The following TSEN2 variants were observed in gnomAD, a reference collection of about 807,000 sequenced individuals.
TSEN2 encodes the protein tRNA splicing endonuclease subunit 2, also known as tRNA-splicing endonuclease subunit Sen2.
TSEN2 carries 54 observed loss-of-function variants against 59.2 expected under a neutral mutation model. The ratio of observed to expected loss-of-function variants is 0.91; its 90% CI spans 0.73 to 1.14. The LOEUF (loss-of-function observed/expected upper bound fraction) is 1.14. Among genes scored for constraint, TSEN2 ranks in the 50% most tolerant of loss-of-function variants. The pLI, the probability that TSEN2 is intolerant of heterozygous loss-of-function variation, is 0.00. For synonymous variants in TSEN2, 195 were observed against 198.2 expected (o/e 0.98, Z 0.14); for missense variants, 636 against 576.2 (o/e 1.10, Z -1.06).
At chr3:12,483,539 A>C, upstream of TSEN2, among the ~76,000 whole-genome samples, 1 of 152,322 alleles carries the variant, frequency 6.6e-6, no homozygotes, top group Admixed American at 6.5e-5. Context: ...ACCAGGAATT[A>C]CTGCAGCTAA....
chr3:12,526,591 C>T (rs2057102123), intron 8 of TSEN2, among the ~76,000 whole-genome samples: 1 of 152,192 alleles, frequency 6.6e-6, no homozygotes, highest in Admixed American at 6.5e-5. Context: ...TATCTTAGAA[C>T]GTATCCTCAT....
At chr3:12,527,825 C>T (rs536975689) in intron 8 of TSEN2, among the ~76,000 whole-genome samples, 4 of 152,082 alleles carry the variant, frequency 2.6e-5, no homozygotes, top group South Asian at 2.1e-4. Flanking sequence ...CCTAACTGTA[C>T]GGGAGACTGA....
intron 1 of TSEN2, among the ~76,000 whole-genome samples, chr3:12,486,500 G>T (rs1305514316): frequency 2.6e-5 from 4 of 152,278 alleles, no homozygotes; most frequent in Admixed American, 6.5e-5. Context: ...AGTCATTCTT[G>T]CAGGACATGG....
At position 12,516,454 on chromosome 3, in the gene TSEN2, G is replaced by A. The variant is rs879349762; in HGVS notation, c.910-157G>A. Among the ~76,000 whole-genome samples, 378 of 117,520 alleles carry A rather than the reference G, an allele frequency of 3.2e-3. 4 individuals carry two copies. The highest frequency in any genetic ancestry group is 9.6e-3 in the African/African-American group (274 of 28,438). 77.1% of individuals were successfully genotyped at this position (117,520 alleles called of 152,430 possible). ...ACAAACAAACAAAATATATGTGTGT[G>A]TGTGTGTGTGTGTGTGTGTGTGTGT... On this transcript the variant is annotated intron_variant, in intron 6 of 11. Transcript: ENST00000284995.
chr3:12,505,058 G>A (rs2054668174), intron 5 of TSEN2, 96 bp from the exon 6 acceptor site: 1 of 795,298 alleles, frequency 1.3e-6, no homozygotes, highest in Non-Finnish European at 2.2e-6. Flanking sequence ...TGTGAATCCT[G>A]GGAATTTATA....
At chr3:12,484,925 G>A (rs2124861904) in intron 1 of TSEN2, 45 bp downstream of exon 1, 1 of 152,370 alleles carries the variant, frequency 6.6e-6, no homozygotes, top group South Asian at 2.1e-4. Context: ...AACGCTGTTG[G>A]GGTGCGCAGT....
chr3:12,519,073 A>T lies in TSEN2; in HGVS notation c.975A>T (p.Ile325=), dbSNP rs1247778131. 1 of 1,614,178 alleles carries T rather than the reference A, an allele frequency of 6.2e-7. No homozygotes were observed. Among genetic ancestry groups the T allele is most frequent in the African/African-American group, 1.3e-5 (1 of 75,038 alleles). ...AATAACTTTAGGAGCCTTTAACGAT[A>T]GTGAAGCTCTGGAAAGCTTTCACTG... is the stretch of plus-strand genomic sequence containing the variant. ...SIYYEKEPLT[I]VKLWKAFTVV... Residue 325 remains isoleucine (I), a synonymous_variant, in exon 8 of 12, where the codon ATA becomes ATT. Coordinates refer to ENST00000284995, the MANE Select transcript of TSEN2 (RefSeq NM_025265.4).
intron 1 of TSEN2, among the ~76,000 whole-genome samples, chr3:12,487,008 A>G (rs529015566): frequency 2.5e-4 from 38 of 152,268 alleles, no homozygotes; most frequent in African/African-American, 8.7e-4. Flanking sequence ...TCACATACAA[A>G]TTTTTCCATG....
chr3:12,508,970 A>T (rs1306114096), intron 6 of TSEN2, among the ~76,000 whole-genome samples: 1 of 152,000 alleles, frequency 6.6e-6, no homozygotes, highest in South Asian at 2.1e-4. Flanking sequence ...AAGGTATCCC[A>T]CCACCTTAGC....
At position 12,489,794 on chromosome 3, in the gene TSEN2, C is replaced by T. The variant is rs550823052; in HGVS notation, c.-7C>T. The T allele has an allele frequency of 1.4e-5, 23 of 1,612,460 alleles. No individual in the cohort carries two copies. The African/African-American group carries it at 2.7e-4, about 19-fold the overall frequency. ...GTCTACTCTTTAAAGAATACCTCCT[C>T]TGAAAAATGGCAGAAGCAGTTTTCC... On this transcript the variant is annotated 5_prime_UTR_variant, in exon 2 of 12. Transcript: ENST00000284995.
intron 6 of TSEN2, among the ~76,000 whole-genome samples, chr3:12,505,783 C>CAAAAAAAA (rs34334319): frequency 4.7e-5 from 4 of 84,678 alleles, no homozygotes; most frequent in African/African-American, 1.8e-4. Context: ...AACTCTGTCT[C>CAAAAAAAA]AAAAAAAAAA....
At chr3:12,527,237 C>A (rs146078942) in intron 8 of TSEN2, among the ~76,000 whole-genome samples, 1 of 152,192 alleles carries the variant, frequency 6.6e-6, no homozygotes, top group East Asian at 1.9e-4. Context: ...GAAATGTGAC[C>A]ATGGAAAATA....
At position 12,519,146 on chromosome 3, in the gene TSEN2, C is replaced by T. The variant is rs201467485; in HGVS notation, c.1048C>T (p.Arg350Ter). Residue 350 changes from arginine (R) to a stop codon, truncating the protein, a stop_gained, in exon 8 of 12, where the codon CGA becomes TGA. Coordinates refer to ENST00000284995, the MANE Select transcript of TSEN2 (RefSeq NM_025265.4). LOFTEE classifies it high-confidence loss of function. ...CACCTACATGGCCTACCATTACTTT[C>T]GAAGCAAGGGCTGGGTGCCCAAAGT... is the stretch of plus-strand genomic sequence containing the variant. Reference protein sequence around the residue: ...RTTYMAYHYFRSKGWVPKVGL... With the variant: ...RTTYMAYHYF 13 of 1,614,092 alleles carry T rather than the reference C, an allele frequency of 8.1e-6. No homozygotes were observed. Among genetic ancestry groups the T allele is most frequent in the African/African-American group, 2.7e-5 (2 of 74,930 alleles).
chr3:12,523,339 A>T (rs761267342), intron 8 of TSEN2, among the ~76,000 whole-genome samples: 1 of 152,010 alleles, frequency 6.6e-6, no homozygotes, highest in Non-Finnish European at 1.5e-5. Flanking sequence ...CAGCACAGAA[A>T]TGGAATGGTG....
At chr3:12,532,363 T>A in intron 11 of TSEN2, among the ~76,000 whole-genome samples, 1 of 152,204 alleles carries the variant, frequency 6.6e-6, no homozygotes, top group East Asian at 1.9e-4. Flanking sequence ...CAGACCTAGC[T>A]CTAATGTAAA....
At chr3:12,530,368 C>T in intron 10 of TSEN2, 1 of 986,466 alleles carries the variant, frequency 1.0e-6, no homozygotes, top group Non-Finnish European at 1.2e-6. Flanking sequence ...CGTTGAGTGG[C>T]TAATCCAAGA....
At chr3:12,527,781 C>G (rs2057208603) in intron 8 of TSEN2, among the ~76,000 whole-genome samples, 2 of 152,180 alleles carry the variant, frequency 1.3e-5, no homozygotes, top group Non-Finnish European at 1.5e-5. Flanking sequence ...GGCTCCCAGT[C>G]TTCAGCACAC....
chr3:12,481,330 T>C (rs1190950190), upstream of TSEN2, among the ~76,000 whole-genome samples: 2 of 152,144 alleles, frequency 1.3e-5, no homozygotes, highest in Non-Finnish European at 2.9e-5. Context: ...AATACTTCAC[T>C]GTCACAGTCA....
At chr3:12,517,085 C>T (rs1436507343) in intron 7 of TSEN2, among the ~76,000 whole-genome samples, 5 of 152,146 alleles carry the variant, frequency 3.3e-5, no homozygotes, top group African/African-American at 7.2e-5. Context: ...CGGTGGCTCA[C>T]GCCTGTAATC....
Sources: gnomAD v4.1 joint callset for allele counts (sites outside exome capture counted in the v4.1 genomes callset) on GRCh38, gnomAD v4.1.1 for gene constraint, MANE v1.5 for transcripts, NCBI Gene and HGNC (gene_info 2026-07-23, HGNC 2026-07-21) for gene names.